Variants in DIAPH3 observed in about 807,000 individuals in gnomAD.
DIAPH3 encodes the protein protein diaphanous homolog 3.
A neutral mutation model predicts 144.3 loss-of-function variants in DIAPH3; 117 were observed. The observed-to-expected ratio is 0.81, with a 90% CI of 0.70 to 0.95. The LOEUF is 0.95. Among genes scored for constraint, DIAPH3 ranks in the 40% least tolerant of loss-of-function variants. DIAPH3 has a pLI of 0.00. For missense variants in DIAPH3, 1,421 were observed against 1,412.7 expected, an observed-to-expected ratio of 1.01 and a Z score of -0.09; for synonymous variants, 519 against 488.9, an observed-to-expected ratio of 1.06 and a Z score of -0.81.
chr13:60,158,416 GC>G (rs1413740656), intron 1 of DIAPH3, among the ~76,000 whole-genome samples: 2 of 152,126 alleles, frequency 1.3e-5, no homozygotes, highest in Non-Finnish European at 2.9e-5. Flanking sequence ...CAACACACTG[GC>G]TGGTATACAT....
rs868676429 is a variant in DIAPH3, at chr13:59,850,369, G to A, written c.2738-10921C>T. On this transcript the variant is annotated intron_variant, in intron 22 of 27. Coordinates refer to ENST00000400324, the MANE Select transcript of DIAPH3 (RefSeq NM_001042517.2). ...TTCCAACACTATGTTGAATAGGAGC[G>A]GTGAGAGAGGGCATCCCTGTCTTGT... Among the ~76,000 whole-genome samples, 737 of 151,382 alleles carry A rather than the reference G, an allele frequency of 4.9e-3. 8 individuals carry two copies. Among genetic ancestry groups the A allele is most frequent in the Middle Eastern group, 0.014 (4 of 292 alleles).
chr13:59,737,748 A>T (rs921355795), intron 27 of DIAPH3, among the ~76,000 whole-genome samples: 1 of 152,250 alleles, frequency 6.6e-6, no homozygotes, highest in Non-Finnish European at 1.5e-5. Context: ...CAAATGAATT[A>T]ACCTATACAA....
At chr13:60,014,885 A>G (rs1353572234) in intron 7 of DIAPH3, among the ~76,000 whole-genome samples, 1 of 152,266 alleles carries the variant, frequency 6.6e-6, no homozygotes, top group African/African-American at 2.4e-5. Flanking sequence ...AGTTAACAGT[A>G]TAAAAGCAAA....
intron 18 of DIAPH3, among the ~76,000 whole-genome samples, chr13:59,924,221 A>G (rs2047651178): frequency 6.6e-6 from 1 of 152,176 alleles, no homozygotes; most frequent in South Asian, 2.1e-4. Context: ...TCAAGAAGAT[A>G]ATTTAATACT....
chr13:59,720,863 G>A (rs1163467818), intron 27 of DIAPH3, among the ~76,000 whole-genome samples: 2 of 152,106 alleles, frequency 1.3e-5, no homozygotes, highest in African/African-American at 4.8e-5. Context: ...TCCTCTGCAA[G>A]TATTCACTGA....
chr13:59,830,726 T>C (rs536321774), intron 24 of DIAPH3, among the ~76,000 whole-genome samples: 5 of 152,094 alleles, frequency 3.3e-5, no homozygotes, highest in Non-Finnish European at 7.4e-5. Context: ...CCAACAGGAC[T>C]AGCTTGAAAC....
chr13:59,843,837 T>C (rs2042473353), intron 22 of DIAPH3, among the ~76,000 whole-genome samples: 1 of 152,154 alleles, frequency 6.6e-6, no homozygotes, highest in African/African-American at 2.4e-5. Context: ...TGCCATCTGA[T>C]GGGTAAAACT....
intron 22 of DIAPH3, among the ~76,000 whole-genome samples, chr13:59,851,983 T>A (rs1726570167): frequency 6.6e-6 from 1 of 152,168 alleles, no homozygotes; most frequent in Non-Finnish European, 1.5e-5. Context: ...TCAAGCCTAA[T>A]CCTTGCTAAT....
At chr13:59,764,969 T>C (rs1365350313) in intron 27 of DIAPH3, among the ~76,000 whole-genome samples, 1 of 152,150 alleles carries the variant, frequency 6.6e-6, no homozygotes, top group African/African-American at 2.4e-5. Flanking sequence ...TTCTCCATCC[T>C]TCCCATGTCT....
chr13:59,929,840 G>A (rs948844143), intron 17 of DIAPH3, among the ~76,000 whole-genome samples: 2 of 151,802 alleles, frequency 1.3e-5, no homozygotes, highest in African/African-American at 4.8e-5. Context: ...CAAAGTGTTG[G>A]GATTACAGGT....
At chr13:60,163,290 GAGGA>G (rs779837873) in intron 1 of DIAPH3, among the ~76,000 whole-genome samples, 17 of 152,186 alleles carry the variant, frequency 1.1e-4, no homozygotes, top group South Asian at 4.1e-4. Flanking sequence ...TTACACTAGG[GAGGA>G]AGGGAGAACT....
At chr13:59,704,952 C>T (rs2034332273) in intron 27 of DIAPH3, among the ~76,000 whole-genome samples, 1 of 152,102 alleles carries the variant, frequency 6.6e-6, no homozygotes, top group Admixed American at 6.5e-5. Context: ...CAGCTGCACC[C>T]TCAAAAATGT....
At chr13:60,112,446 A>C (rs961318840) in intron 2 of DIAPH3, among the ~76,000 whole-genome samples, 1 of 152,226 alleles carries the variant, frequency 6.6e-6, no homozygotes, top group Non-Finnish European at 1.5e-5. Flanking sequence ...CATAGATTTG[A>C]GCTTCTAATG....
At chr13:59,954,974 C>T (rs772952714) in intron 17 of DIAPH3, among the ~76,000 whole-genome samples, 19 of 151,794 alleles carry the variant, frequency 1.3e-4, no homozygotes, top group Non-Finnish European at 2.1e-4. Context: ...TGGGTGGGGA[C>T]ATGGAGACAA....
chr13:59,937,991 T>G (rs1033638101), intron 17 of DIAPH3, among the ~76,000 whole-genome samples: 1 of 152,172 alleles, frequency 6.6e-6, no homozygotes, highest in Non-Finnish European at 1.5e-5. Context: ...TCTCTCTCTC[T>G]CTGCTTTTAC....
At chr13:59,801,639 T>C (rs2039904776) in intron 25 of DIAPH3, among the ~76,000 whole-genome samples, 2 of 152,246 alleles carry the variant, frequency 1.3e-5, no homozygotes, top group South Asian at 2.1e-4. Context: ...ATCTATTTTC[T>C]GTTACTATGC....
chr13:59,994,304 A>G (rs2052045745), intron 9 of DIAPH3, among the ~76,000 whole-genome samples: 1 of 151,940 alleles, frequency 6.6e-6, no homozygotes, highest in African/African-American at 2.4e-5. Context: ...TTGTTTCTTT[A>G]TGGATAAATA....
chr13:59,770,911 C>T (rs2038085354), intron 27 of DIAPH3, among the ~76,000 whole-genome samples: 1 of 152,160 alleles, frequency 6.6e-6, no homozygotes, highest in Admixed American at 6.6e-5. Context: ...GCACATACTT[C>T]ATTTCTGCCT....
At chr13:59,693,924 T>C (rs1048600137) in intron 27 of DIAPH3, among the ~76,000 whole-genome samples, 6 of 152,156 alleles carry the variant, frequency 3.9e-5, no homozygotes, top group Non-Finnish European at 8.8e-5. Flanking sequence ...GTATACAACC[T>C]TCTAAATTCA....
Sources: allele counts gnomAD v4.1 joint callset (sites outside exome capture counted in the v4.1 genomes callset), GRCh38; gene constraint gnomAD v4.1.1; transcripts MANE v1.5; gene names NCBI Gene and HGNC (gene_info 2026-07-23, HGNC 2026-07-21).